Variants in GSK3B observed in about 807,000 individuals in gnomAD.
GSK3B encodes glycogen synthase kinase-3 beta.
In GSK3B, 15 loss-of-function variants were observed where a neutral mutation model predicts 56.4. That is an observed-to-expected ratio of 0.27 (90% CI 0.18 to 0.41). GSK3B has a LOEUF of 0.41. GSK3B is among the 10% of genes least tolerant of loss of function. GSK3B has a pLI of 1.00. For missense variants in GSK3B, 300 were observed against 513.4 expected (o/e 0.58, Z 4.02); for synonymous variants, 181 against 188.9 (o/e 0.96, Z 0.34).
chr3:119,863,433 T>C lies in GSK3B; in HGVS notation c.1082A>G (p.Asn361Ser), dbSNP rs1347336963. 1.7e-5 allele frequency: 27 copies of C among 1,613,796 alleles called. No homozygotes were observed. The highest frequency in any genetic ancestry group is 4.5e-5 in the East Asian group (2 of 44,870). ...PNGRDTPALF[N>S]FTTQELSSNP... ...TTTGGAGTTACCTTGAGTGGTGAAG[T>C]TGAAGAGTGCAGGTGTGTCTCGCCC... is the stretch of plus-strand genomic sequence containing the variant. The change falls in exon 9 of 11, where the codon AAC (asparagine) becomes AGC (serine). Residue 361 changes from asparagine to serine, a missense_variant. By Grantham distance (46) the Asn-to-Ser change is conservative. Coordinates refer to ENST00000264235, the MANE Select transcript of GSK3B (RefSeq NM_001146156.2).
chr3:119,845,747 ATAGATT>A (rs1466709502), intron 9 of GSK3B, among the ~76,000 whole-genome samples: 3 of 152,228 alleles, frequency 2.0e-5, no homozygotes, highest in Admixed American at 6.5e-5. Context: ...AAAGTAATTT[ATAGATT>A]ATTCAATGCT....
At chr3:120,090,420 T>C (rs1433169332) in intron 1 of GSK3B, among the ~76,000 whole-genome samples, 1 of 152,196 alleles carries the variant, frequency 6.6e-6, no homozygotes, top group Non-Finnish European at 1.5e-5. Flanking sequence ...TTATTGTATA[T>C]TAAATTTTAA....
Position 120,093,772 on chromosome 3 carries a change from T to A in GSK3B, c.-338A>T. 1 of 274,784 alleles carries A rather than the reference T, an allele frequency of 3.6e-6. No individual in the cohort carries two copies. Among genetic ancestry groups the A allele is most frequent in the Admixed American group, 5.0e-5 (1 of 20,000 alleles). 17.0% of individuals were successfully genotyped at this position (274,784 alleles called of 1,614,324 possible). A position where few individuals can be genotyped will look rare whatever the true frequency, so the allele number is the denominator to read the frequency against. ...ATGTATCACGTGAAACGGGGGCAAA[T>A]ACTTGATTGAAAATGAGTACTTCGA... On this transcript the variant is annotated 5_prime_UTR_variant, in exon 1 of 11. Coordinates refer to ENST00000264235, the MANE Select transcript of GSK3B (RefSeq NM_001146156.2).
intron 10 of GSK3B, among the ~76,000 whole-genome samples, chr3:119,830,389 T>G (rs1462045185): frequency 1.3e-5 from 2 of 152,362 alleles, no homozygotes; most frequent in East Asian, 3.9e-4. Flanking sequence ...ATTAATGAGC[T>G]TTCTATTAAA....
intron 1 of GSK3B, among the ~76,000 whole-genome samples, chr3:120,073,299 G>C (rs1381027095): frequency 1.3e-5 from 2 of 150,306 alleles, no homozygotes; most frequent in Non-Finnish European, 3.0e-5. Flanking sequence ...TGATGCAAGA[G>C]TATCACCTGA....
At chr3:119,928,647 GA>G (rs2056912900) in intron 3 of GSK3B, among the ~76,000 whole-genome samples, 1 of 145,502 alleles carries the variant, frequency 6.9e-6, no homozygotes, top group Admixed American at 6.8e-5. Flanking sequence ...AGGGAAAAGG[GA>G]TAAGAAGCAA....
At chr3:119,845,525 CAGAG>C (rs1168307966) in intron 9 of GSK3B, among the ~76,000 whole-genome samples, 1 of 152,128 alleles carries the variant, frequency 6.6e-6, no homozygotes, top group Non-Finnish European at 1.5e-5. Context: ...CAATAACAGA[CAGAG>C]AGCCAAATCA....
chr3:120,069,062 G>A (rs1418475506), intron 1 of GSK3B, among the ~76,000 whole-genome samples: 3 of 152,112 alleles, frequency 2.0e-5, no homozygotes, highest in Non-Finnish European at 4.4e-5. Flanking sequence ...AAAGAAAAAA[G>A]AAGAAACCTG....
At chr3:120,010,405 T>G (rs1322996154) in intron 1 of GSK3B, among the ~76,000 whole-genome samples, 4 of 152,346 alleles carry the variant, frequency 2.6e-5, no homozygotes, top group Middle Eastern at 3.4e-3. Flanking sequence ...ACTTAAACTC[T>G]AAATGAAGAG....
At chr3:119,976,765 C>CAAAAAA (rs563133631) in intron 2 of GSK3B, among the ~76,000 whole-genome samples, 7 of 83,104 alleles carry the variant, frequency 8.4e-5, no homozygotes, top group Admixed American at 1.3e-4. Context: ...CCACTCCCCA[C>CAAAAAA]AAAAAAAAAA....
At chr3:120,038,185 T>C (rs1249308211) in intron 1 of GSK3B, among the ~76,000 whole-genome samples, 1 of 152,224 alleles carries the variant, frequency 6.6e-6, no homozygotes, top group African/African-American at 2.4e-5. Flanking sequence ...AAGCTATTTT[T>C]AAAGGCATAA....
intron 10 of GSK3B, among the ~76,000 whole-genome samples, chr3:119,831,452 T>C (rs1020277589): frequency 8.5e-5 from 13 of 152,050 alleles, no homozygotes; most frequent in African/African-American, 2.9e-4. Context: ...AGTCAGGAGA[T>C]AGAGACCATC....
intron 1 of GSK3B, among the ~76,000 whole-genome samples, chr3:120,025,912 T>C (rs2057919067): frequency 6.6e-6 from 1 of 152,162 alleles, no homozygotes; most frequent in Non-Finnish European, 1.5e-5. Context: ...GGCCTTAGTT[T>C]CCCTATCTGT....
At chr3:119,987,260 G>A (rs1175847813) in intron 2 of GSK3B, among the ~76,000 whole-genome samples, 5 of 152,058 alleles carry the variant, frequency 3.3e-5, no homozygotes, top group Non-Finnish European at 7.4e-5. Context: ...AAACCAACAT[G>A]GCACATGTAT....
At chr3:120,056,370 G>A (rs950160163) in intron 1 of GSK3B, among the ~76,000 whole-genome samples, 6 of 152,220 alleles carry the variant, frequency 3.9e-5, no homozygotes, top group East Asian at 1.9e-4. Context: ...ACACAGTCTC[G>A]ATCTGTTGTC....
chr3:120,069,124 C>T (rs1440251147), intron 1 of GSK3B, among the ~76,000 whole-genome samples: 1 of 152,162 alleles, frequency 6.6e-6, no homozygotes, highest in East Asian at 1.9e-4. Context: ...TAGTGAGGGG[C>T]TGTCTGCTGC....
intron 9 of GSK3B, among the ~76,000 whole-genome samples, chr3:119,861,489 T>G (rs1342276518): frequency 8.9e-5 from 13 of 146,246 alleles, no homozygotes; most frequent in Non-Finnish European, 1.8e-4. Context: ...CCAGCCTGAG[T>G]GACAGAGTGA....
chr3:120,053,870 T>C (rs568153515), intron 1 of GSK3B, among the ~76,000 whole-genome samples: 81 of 152,284 alleles, frequency 5.3e-4, no homozygotes, highest in African/African-American at 1.8e-3. Context: ...CTATCCACCA[T>C]GATTGCGAGG....
At chr3:119,902,771 G>C (rs569751436) in intron 7 of GSK3B, among the ~76,000 whole-genome samples, 2 of 152,040 alleles carry the variant, frequency 1.3e-5, no homozygotes, top group Non-Finnish European at 2.9e-5. Context: ...GTGGAGTACA[G>C]GGGCATAATC....
Sources: allele counts gnomAD v4.1 joint callset (sites outside exome capture counted in the v4.1 genomes callset), GRCh38; gene constraint gnomAD v4.1.1; transcripts MANE v1.5; gene names NCBI Gene and HGNC (gene_info 2026-07-23, HGNC 2026-07-21).